Variants in ZC3H12B observed in about 807,000 individuals in gnomAD.
ZC3H12B encodes the protein probable ribonuclease ZC3H12B.
In ZC3H12B, 7 loss-of-function variants were observed where a neutral mutation model predicts 43.9. That is an observed-to-expected ratio of 0.16 (90% CI 0.09 to 0.30). The LOEUF (loss-of-function observed/expected upper bound fraction) is 0.30, where lower values mean the gene tolerates loss of function less well. Among genes scored for constraint, ZC3H12B ranks in the 10% least tolerant of loss-of-function variants. ZC3H12B has a pLI of 1.00. For missense variants in ZC3H12B, 475 were observed against 670.2 expected (o/e 0.71, Z 3.22); for synonymous variants, 222 against 241.7 (o/e 0.92, Z 0.76).
chrX:65,167,274 TC>T, the ZC3H12B span, among the ~76,000 whole-genome samples: 2 of 112,275 alleles, frequency 1.8e-5, no homozygotes, highest in Non-Finnish European at 3.8e-5. Context: ...TAGCCAGTTT[TC>T]CCAGCACCAT....
chrX:65,227,232 TC>T, the ZC3H12B span, among the ~76,000 whole-genome samples: 6 of 111,142 alleles, frequency 5.4e-5, no homozygotes, highest in South Asian at 3.8e-4. Flanking sequence ...AGAAACTCAC[TC>T]AAAACCGCTC....
At chrX:65,111,292 C>T in the ZC3H12B span, among the ~76,000 whole-genome samples, 152 of 111,410 alleles carry the variant, frequency 1.4e-3, 1 homozygote, top group Middle Eastern at 4.7e-3. Flanking sequence ...AGCATACATC[C>T]TTGCCTTGTG....
At chrX:65,144,750 G>T in the ZC3H12B span, among the ~76,000 whole-genome samples, 1 of 111,306 alleles carries the variant, frequency 9.0e-6, no homozygotes, top group Admixed American at 9.6e-5. Context: ...TTCAGGAGCA[G>T]GTTATTTAAT....
the ZC3H12B span, among the ~76,000 whole-genome samples, chrX:65,285,240 C>G: frequency 9.1e-6 from 1 of 109,581 alleles, no homozygotes; most frequent in African/African-American, 3.3e-5. Context: ...TACACAGTAC[C>G]TAATGTATAG....
chrX:65,461,582 C>G (rs763850761), intron 3 of ZC3H12B, among the ~76,000 whole-genome samples: 4 of 111,738 alleles, frequency 3.6e-5, no homozygotes, highest in African/African-American at 1.3e-4. Flanking sequence ...AACCATCATT[C>G]TCAGCAATCT....
chrX:65,091,755 G>C, the ZC3H12B span, among the ~76,000 whole-genome samples: 811 of 112,181 alleles, frequency 7.2e-3, 3 homozygotes, highest in Non-Finnish European at 0.013. Context: ...ATACCGGTTT[G>C]TAGTTAGGAA....
At chrX:65,213,877 C>A in the ZC3H12B span, among the ~76,000 whole-genome samples, 2 of 101,472 alleles carry the variant, frequency 2.0e-5, no homozygotes, top group Non-Finnish European at 3.9e-5. Context: ...TTGAAGGCAA[C>A]GTAAAAAAAA....
At chrX:65,417,376 T>C (rs1226431018) in intron 3 of ZC3H12B, among the ~76,000 whole-genome samples, 1 of 112,820 alleles carries the variant, frequency 8.9e-6, no homozygotes, top group Non-Finnish European at 1.9e-5. Context: ...TCAAACATGT[T>C]TATTTATACT....
chrX:65,201,430 C>A, the ZC3H12B span, among the ~76,000 whole-genome samples: 1 of 111,222 alleles, frequency 9.0e-6, no homozygotes, highest in Non-Finnish European at 1.9e-5. Context: ...TTATTTGATA[C>A]TTTTTTCTTT....
chrX:65,226,473 C>T, the ZC3H12B span, among the ~76,000 whole-genome samples: 1 of 111,638 alleles, frequency 9.0e-6, no homozygotes, highest in Non-Finnish European at 1.9e-5. Flanking sequence ...CCTGCGTCAA[C>T]TAATGAGCAA....
the ZC3H12B span, among the ~76,000 whole-genome samples, chrX:65,223,351 G>A: frequency 1.8e-5 from 2 of 110,006 alleles, no homozygotes; most frequent in Non-Finnish European, 3.8e-5. Context: ...TTAAATCTAA[G>A]ATCTGAAACT....
At chrX:65,329,015 G>A in the ZC3H12B span, among the ~76,000 whole-genome samples, 5 of 110,545 alleles carry the variant, frequency 4.5e-5, no homozygotes, top group Admixed American at 4.8e-4. Flanking sequence ...ACATACATGT[G>A]CATGTGTCTT....
chrX:65,119,166 G>A, the ZC3H12B span, among the ~76,000 whole-genome samples: 1 of 111,597 alleles, frequency 9.0e-6, no homozygotes, highest in Admixed American at 9.5e-5. Context: ...TGTATACCCA[G>A]TAATCGGATG....
chrX:65,267,788 G>T, the ZC3H12B span, among the ~76,000 whole-genome samples: 1 of 111,239 alleles, frequency 9.0e-6, no homozygotes, highest in Non-Finnish European at 1.9e-5. Context: ...TTCTAAGAAA[G>T]AAGTTTATAG....
chrX:65,467,709 G>A (rs1048785045), intron 3 of ZC3H12B, among the ~76,000 whole-genome samples: 1 of 111,938 alleles, frequency 8.9e-6, no homozygotes, highest in South Asian at 3.7e-4. Flanking sequence ...TAGTGATGTT[G>A]AGTATTTTTT....
the ZC3H12B span, among the ~76,000 whole-genome samples, chrX:65,254,813 A>G: frequency 1.8e-5 from 2 of 111,607 alleles, no homozygotes; most frequent in East Asian, 5.6e-4. Context: ...TCTAAGAAAT[A>G]CAATAAAATG....
chrX:65,414,531 T>C (rs2066938907), intron 3 of ZC3H12B, among the ~76,000 whole-genome samples: 3 of 111,485 alleles, frequency 2.7e-5, no homozygotes, highest in African/African-American at 9.8e-5. Context: ...GGGAAGAAGA[T>C]ATATTGTAAG....
chrX:65,293,615 G>T, the ZC3H12B span, among the ~76,000 whole-genome samples: 1 of 109,732 alleles, frequency 9.1e-6, no homozygotes, highest in Non-Finnish European at 1.9e-5. Flanking sequence ...AAAGATACAG[G>T]GAATGAACAG....
At chrX:65,257,087 G>A in the ZC3H12B span, among the ~76,000 whole-genome samples, 1 of 112,106 alleles carries the variant, frequency 8.9e-6, no homozygotes, top group Non-Finnish European at 1.9e-5. Flanking sequence ...ATTTGATCCA[G>A]CCATCCCATT....
Sources: allele counts gnomAD v4.1 joint callset (sites outside exome capture counted in the v4.1 genomes callset), GRCh38; gene constraint gnomAD v4.1.1; transcripts MANE v1.5; gene names NCBI Gene and HGNC (gene_info 2026-07-23, HGNC 2026-07-21).